The following FER variants were observed in gnomAD, a reference collection of about 807,000 sequenced individuals.
The protein encoded by FER is tyrosine-protein kinase Fer.
In FER, 63 loss-of-function variants were observed where a neutral mutation model predicts 111.0. That is an observed-to-expected ratio of 0.57 (90% confidence interval 0.46 to 0.70). FER has a LOEUF of 0.70. Ranked by LOEUF, FER falls within the 30% of genes least tolerant of loss-of-function variation. The pLI, the probability that FER is intolerant of heterozygous loss-of-function variation, is 0.00. For synonymous variants in FER, 327 were observed against 313.9 expected, an observed-to-expected ratio of 1.04 and a Z score of -0.44; for missense variants, 914 against 954.0, an observed-to-expected ratio of 0.96 and a Z score of 0.55.
chr5:108,950,746 T>C (rs578133455), intron 11 of FER, among the ~76,000 whole-genome samples: 24 of 152,296 alleles, frequency 1.6e-4, no homozygotes, highest in Admixed American at 1.3e-3. Flanking sequence ...AGTATATCTG[T>C]ACAAATAAAA....
intron 2 of FER, among the ~76,000 whole-genome samples, chr5:108,788,871 A>C (rs1370088567): frequency 6.6e-6 from 1 of 152,222 alleles, no homozygotes; most frequent in African/African-American, 2.4e-5. Context: ...ATTGATTTCT[A>C]AAGCCTTAAA....
chr5:109,142,030 G>C (rs894201819), intron 17 of FER, among the ~76,000 whole-genome samples: 1 of 152,034 alleles, frequency 6.6e-6, no homozygotes, highest in Middle Eastern at 3.2e-3. Flanking sequence ...CGTTTTTCCT[G>C]GTTTGTTAGT....
At chr5:108,769,847 C>T (rs1752701088) in intron 2 of FER, among the ~76,000 whole-genome samples, 1 of 152,050 alleles carries the variant, frequency 6.6e-6, no homozygotes, top group South Asian at 2.1e-4. Context: ...AGCTATAGTG[C>T]TAGAAATAAT....
At chr5:108,922,470 A>G (rs866233468) in intron 10 of FER, among the ~76,000 whole-genome samples, 3 of 152,296 alleles carry the variant, frequency 2.0e-5, no homozygotes, top group African/African-American at 2.4e-5. Flanking sequence ...AGAACAAGTA[A>G]CAAATCCAGC....
intron 2 of FER, among the ~76,000 whole-genome samples, chr5:108,775,457 A>T (rs1386991894): frequency 6.6e-6 from 1 of 152,222 alleles, no homozygotes; most frequent in African/African-American, 2.4e-5. Context: ...TACCTTAAAG[A>T]AAACATTTTT....
intron 13 of FER, among the ~76,000 whole-genome samples, chr5:108,984,301 C>A (rs979681283): frequency 3.9e-5 from 6 of 151,952 alleles, no homozygotes; most frequent in Non-Finnish European, 5.9e-5. Flanking sequence ...ATGTGTTCAC[C>A]AGATGTACAG....
intron 5 of FER, among the ~76,000 whole-genome samples, chr5:108,838,545 A>G (rs866644283): frequency 2.4e-4 from 36 of 152,148 alleles, no homozygotes; most frequent in South Asian, 2.1e-4. Context: ...GTTCAGCAGT[A>G]GTAGTAGTAG....
At chr5:109,182,900 G>A (rs529328429) in intron 18 of FER, among the ~76,000 whole-genome samples, 18 of 151,934 alleles carry the variant, frequency 1.2e-4, no homozygotes, top group African/African-American at 3.9e-4. Context: ...GGAGTGCGGC[G>A]GCATAATCAT....
chr5:109,054,641 T>C (rs1366011009), intron 16 of FER, among the ~76,000 whole-genome samples: 2 of 152,210 alleles, frequency 1.3e-5, no homozygotes, highest in Admixed American at 6.5e-5. Flanking sequence ...TCATACTTTT[T>C]TGATGGTATA....
intron 5 of FER, among the ~76,000 whole-genome samples, chr5:108,843,924 A>G (rs1400342426): frequency 6.6e-6 from 1 of 152,118 alleles, no homozygotes; most frequent in Admixed American, 6.6e-5. Context: ...ACTCCTGCAT[A>G]CTTTTTACCT....
chr5:109,051,389 T>G, intron 16 of FER: 1 of 1,612,132 alleles, frequency 6.2e-7, no homozygotes, highest in Non-Finnish European at 8.5e-7. Flanking sequence ...TGGTCCACAA[T>G]GGCTAGTGGC....
chr5:108,866,692 A>T lies in FER; in HGVS notation c.482-1075A>T, dbSNP rs181427476. ...AAATAAAATTTATTTACATTAAAAA[A>T]AAAGATCTGTTTCTGGGGAGAGGAT... On this transcript the variant is annotated intron_variant, in intron 5 of 19. Coordinates refer to ENST00000281092, the MANE Select transcript of FER (RefSeq NM_005246.4). Among the ~76,000 whole-genome samples the T allele has an allele frequency of 4.1e-3, 623 of 152,302 alleles. 4 individuals carry two copies. Among genetic ancestry groups the T allele is most frequent in the African/African-American group, 0.015 (603 of 41,572 alleles).
chr5:108,821,360 T>G (rs551519546), intron 3 of FER, among the ~76,000 whole-genome samples: 1 of 152,212 alleles, frequency 6.6e-6, no homozygotes, highest in South Asian at 2.1e-4. Context: ...CCTGCTGTAT[T>G]TATAGGGGAA....
intron 13 of FER, among the ~76,000 whole-genome samples, chr5:109,015,868 A>G (rs1767031166): frequency 6.6e-6 from 1 of 151,730 alleles, no homozygotes; most frequent in East Asian, 1.9e-4. Context: ...CCACCTCCTC[A>G]TTCCCCTCCA....
intron 17 of FER, among the ~76,000 whole-genome samples, chr5:109,124,291 A>G (rs1751387571): frequency 6.6e-6 from 1 of 152,236 alleles, no homozygotes; most frequent in Non-Finnish European, 1.5e-5. Flanking sequence ...CTTTGTTATA[A>G]TAAGCAATTG....
At chr5:109,030,952 C>T (rs1186313508) in intron 13 of FER, among the ~76,000 whole-genome samples, 1 of 151,946 alleles carries the variant, frequency 6.6e-6, no homozygotes, top group Non-Finnish European at 1.5e-5. Context: ...GCCTCTTAGG[C>T]TTGGTCGCTC....
At chr5:109,101,523 A>G (rs539890086) in intron 17 of FER, among the ~76,000 whole-genome samples, 12 of 152,036 alleles carry the variant, frequency 7.9e-5, no homozygotes, top group African/African-American at 2.4e-4. Context: ...CCCCATGCTC[A>G]CCCCAAATTT....
At chr5:108,837,707 G>A (rs1325283941) in intron 5 of FER, among the ~76,000 whole-genome samples, 1 of 152,054 alleles carries the variant, frequency 6.6e-6, no homozygotes, top group Non-Finnish European at 1.5e-5. Flanking sequence ...TAATTCTGAT[G>A]TCAAAGTTTT....
intron 17 of FER, among the ~76,000 whole-genome samples, chr5:109,104,766 G>A (rs965881239): frequency 9.3e-5 from 14 of 151,020 alleles, no homozygotes; most frequent in African/African-American, 2.4e-4. Flanking sequence ...TTTTTGAAAC[G>A]GAGTCTCACT....
Sources: gnomAD v4.1 joint callset for allele counts (sites outside exome capture counted in the v4.1 genomes callset) on GRCh38, gnomAD v4.1.1 for gene constraint, MANE v1.5 for transcripts, NCBI Gene and HGNC (gene_info 2026-07-23, HGNC 2026-07-21) for gene names.